SPTAN1: variants seen among roughly 807,000 people sequenced by gnomAD.
SPTAN1 encodes spectrin alpha chain, non-erythrocytic 1.
SPTAN1 carries 61 observed loss-of-function variants against 331.3 expected under a neutral mutation model. The observed-to-expected ratio is 0.18, with a 90% CI of 0.15 to 0.23. The LOEUF (loss-of-function observed/expected upper bound fraction) is 0.23. SPTAN1 is among the 10% of genes least tolerant of loss of function. The pLI, the probability that SPTAN1 is intolerant of heterozygous loss-of-function variation, is 1.00. For missense variants in SPTAN1, 2,043 were observed against 3,147.9 expected, an observed-to-expected ratio of 0.65 and a Z score of 8.40; for synonymous variants, 1,153 against 1,173.9, an observed-to-expected ratio of 0.98 and a Z score of 0.36.
chr9:128,559,368 T>C (rs575246585), intron 1 of SPTAN1, among the ~76,000 whole-genome samples: 1 of 152,310 alleles, frequency 6.6e-6, no homozygotes, highest in African/African-American at 2.4e-5. Context: ...CTTTGCGATA[T>C]TATGATGGAG....
At position 128,632,663 on chromosome 9, in the gene SPTAN1, G is replaced by A. The variant is rs1204204563; in HGVS notation, c.7105G>A (p.Glu2369Lys). Residue 2369 changes from glutamate (E) to lysine (K), a missense_variant, in exon 55 of 57, where the codon GAA becomes AAA. Glu to Lys is a moderately conservative substitution (Grantham distance 56). Around this residue, in one of 12 missense-constraint regions of SPTAN1, gnomAD observed 58 missense variants for 74.0 expected, o/e 0.78. Coordinates refer to ENST00000372739, the MANE Select transcript of SPTAN1 (RefSeq NM_001130438.3). ...GGGCTATGACCTGCCCATGGTGGAG[G>A]AAGGGGAACCTGACCCTGAGTTCGA... The part of the protein sequence containing the change: ...SLGYDLPMVE[E>K]GEPDPEFEAI... 1 of 1,614,064 alleles carries A rather than the reference G, an allele frequency of 6.2e-7. No homozygotes were observed. Among genetic ancestry groups the A allele is most frequent in the Admixed American group, 1.7e-5 (1 of 60,024 alleles).
intron 9 of SPTAN1, among the ~76,000 whole-genome samples, 167 bp downstream of exon 9, chr9:128,578,412 G>T (rs1455460025): frequency 2.0e-5 from 3 of 152,202 alleles, no homozygotes; most frequent in Non-Finnish European, 2.9e-5. Context: ...TGGTCTACCT[G>T]CTTCTGATAG....
chr9:128,558,167 A>G (rs1848875547), intron 1 of SPTAN1, among the ~76,000 whole-genome samples: 1 of 152,230 alleles, frequency 6.6e-6, no homozygotes, highest in Non-Finnish European at 1.5e-5. Flanking sequence ...GAGATCTGGT[A>G]GTATTGTAAG....
intron 48 of SPTAN1, 142 bp downstream of exon 48, chr9:128,626,120 CAATT>C (rs1396560319): frequency 9.1e-7 from 1 of 1,098,880 alleles, no homozygotes; most frequent in Non-Finnish European, 1.3e-6. Context: ...TGGCTGGCAT[CAATT>C]AAAACCAGGG....
rs1402196683 is a variant in SPTAN1 at position 128,624,500 on chromosome 9, A to G, written c.5992+13A>G. 3 of 1,612,438 alleles carry G rather than the reference A, an allele frequency of 1.9e-6. No individual in the cohort carries two copies. Among genetic ancestry groups the G allele is most frequent in the South Asian group, 1.1e-5 (1 of 91,012 alleles). On this transcript the variant is annotated intron_variant, in intron 46 of 56. Coordinates refer to ENST00000372739, the MANE Select transcript of SPTAN1 (RefSeq NM_001130438.3). ...GAGTCCTGGATCGGTGAGCACTGTC[A>G]GCAAGGCCCGGAAGAGCCTTCCCAG...
chr9:128,630,536 CTT>C (rs982348182), intron 52 of SPTAN1, 161 bp downstream of exon 52: 9 of 650,992 alleles, frequency 1.4e-5, no homozygotes, highest in East Asian at 2.8e-5. Context: ...ATCTCTCTCT[CTT>C]TTCTTTCTTT....
chr9:128,617,009 G>A (rs1242072186), intron 41 of SPTAN1, among the ~76,000 whole-genome samples: 1 of 152,046 alleles, frequency 6.6e-6, no homozygotes, highest in Admixed American at 6.6e-5. Flanking sequence ...AGACCGAGGT[G>A]GGCAGATCAC....
At position 128,577,641 on chromosome 9, in the gene SPTAN1, C is replaced by T. The variant is rs1851458373; in HGVS notation, c.1085+135C>T. 1 of 1,191,244 alleles carries T rather than the reference C, an allele frequency of 8.4e-7. No individual in the cohort carries two copies. The highest frequency in any genetic ancestry group is 1.2e-6 in the Non-Finnish European group (1 of 816,826). The allele number at this position is 1,191,244 out of a possible 1,614,324, so 73.8% of individuals were successfully genotyped here. On this transcript the variant is annotated intron_variant, in intron 8 of 56. Transcript: ENST00000372739. The surrounding 1 kb of genome is among the most constrained non-coding windows in gnomAD (Gnocchi z 4.2). ...CCTACAAATGCAAATCACTTCTTAC[C>T]TATGTTCTCTCTGTTTGGAGACTGG...
chr9:128,613,798 G>A (rs1055058916), intron 40 of SPTAN1, among the ~76,000 whole-genome samples: 1 of 152,120 alleles, frequency 6.6e-6, no homozygotes, highest in African/African-American at 2.4e-5. Context: ...GAGGTCAGGA[G>A]TTCGAGACCA....
chr9:128,607,796 G>A lies in SPTAN1; in HGVS notation c.4147-56G>A. On this transcript the variant is annotated intron_variant, in intron 32 of 56. Coordinates refer to ENST00000372739, the MANE Select transcript of SPTAN1 (RefSeq NM_001130438.3). ...CACCCTTTGTGGTGAGTCGGTGGTT[G>A]ACGTCAGAGTGGGCATCTGCTGCCA... 8 of 1,612,110 alleles carry A rather than the reference G, an allele frequency of 5.0e-6. 2 individuals carry two copies. Among genetic ancestry groups the A allele is most frequent in the Middle Eastern group, 1.7e-4 (1 of 5,720 alleles).
chr9:128,604,375 G>C lies in SPTAN1; in HGVS notation c.3677G>C (p.Ser1226Thr). 6.2e-7 allele frequency: 1 copy of C among 1,614,044 alleles called. No individual in the cohort carries two copies. The highest frequency in any genetic ancestry group is 8.5e-7 in the Non-Finnish European group (1 of 1,179,972). The change falls in exon 29 of 57, where the codon AGC (serine) becomes ACC (threonine). Residue 1226 changes from serine to threonine, a missense_variant. Physicochemically the swap from Ser to Thr is moderately conservative, Grantham distance 58. Coordinates refer to ENST00000372739, the MANE Select transcript of SPTAN1 (RefSeq NM_001130438.3). ...RSLQQLAEER[S>T]QLLGSAHEVQ... ...CTACAGCAGCTGGCCGAGGAACGGA[G>C]CCAGCTCTTGGGCAGCGCCCATGAA...
Position 128,624,330 on chromosome 9 carries a change from C to A in SPTAN1, c.5835C>A (p.Asn1945Lys). ...GTGTGCCTCTCTCCATGGCCTAGAA[C>A]AATCACCATGAGGAGAACATCTCTT... ...CTNGQDLIKK[N>K]NHHEENISSK... Residue 1945 changes from asparagine to lysine, a missense_variant and splice_region_variant, in exon 46 of 57, where the codon AAC becomes AAA. Coordinates refer to ENST00000372739, the MANE Select transcript of SPTAN1 (RefSeq NM_001130438.3). 6.2e-7 allele frequency: 1 copy of A among 1,613,840 alleles called. No homozygotes were observed. The highest frequency in any genetic ancestry group is 8.5e-7 in the Non-Finnish European group (1 of 1,179,994).
At chr9:128,559,665 A>G (rs1389734028) in intron 1 of SPTAN1, among the ~76,000 whole-genome samples, 1 of 152,212 alleles carries the variant, frequency 6.6e-6, no homozygotes, top group Non-Finnish European at 1.5e-5. Context: ...AGGGTTGAGA[A>G]CAAAGGAAAT....
rs180835590 is a variant in SPTAN1 at position 128,573,308 on chromosome 9, G to A, written c.364-1367G>A. Among the ~76,000 whole-genome samples, 32 of 152,316 alleles carry A rather than the reference G, an allele frequency of 2.1e-4. No homozygotes were observed. The East Asian group carries it at 5.2e-3, about 25-fold the overall frequency. On this transcript the variant is annotated intron_variant, in intron 3 of 56. Transcript: ENST00000372739. ...CCCAAAGATGCTGGGAAGTGAATACGTTTGACCCTGTGGCTGCCACTTGGG... is the reference window on the plus strand; with the variant it reads ...CCCAAAGATGCTGGGAAGTGAATACATTTGACCCTGTGGCTGCCACTTGGG...
intron 19 of SPTAN1, among the ~76,000 whole-genome samples, chr9:128,586,975 G>A (rs563691394): frequency 9.4e-4 from 143 of 152,042 alleles, no homozygotes; most frequent in Non-Finnish European, 1.0e-3. Flanking sequence ...CCGCCACCAC[G>A]CCCAGCTAAC....
chr9:128,594,495 A>T, intron 24 of SPTAN1, 122 bp downstream of exon 24: 10 of 903,934 alleles, frequency 1.1e-5, no homozygotes, highest in Admixed American at 2.6e-5. Flanking sequence ...CAGTGGTATG[A>T]CTTCGGCTCA....
intron 18 of SPTAN1, 106 bp downstream of exon 18, chr9:128,584,949 A>G (rs967991964): frequency 2.1e-5 from 27 of 1,309,786 alleles, no homozygotes; most frequent in Non-Finnish European, 3.0e-5. Context: ...CTGGGGCTGA[A>G]TACCATCCCC....
chr9:128,621,101 C>G, intron 44 of SPTAN1, 57 bp from the exon 45 acceptor site: 1 of 1,521,530 alleles, frequency 6.6e-7, no homozygotes, highest in Non-Finnish European at 9.1e-7. Flanking sequence ...TCCCCGGGGC[C>G]TAGCCCACAA....
chr9:128,589,656 A>G (rs1364842882), intron 21 of SPTAN1, among the ~76,000 whole-genome samples: 3 of 144,638 alleles, frequency 2.1e-5, no homozygotes, highest in Admixed American at 7.2e-5. Context: ...GCTCACTACA[A>G]GCTCCACCTC....
Sources: gnomAD v4.1 joint callset for allele counts (sites outside exome capture counted in the v4.1 genomes callset) on GRCh38, gnomAD v4.1.1 for gene constraint, gnomAD v4.1.1 regional missense constraint, Gnocchi (gnomAD v3.1) non-coding constraint, MANE v1.5 for transcripts, NCBI Gene and HGNC (gene_info 2026-07-23, HGNC 2026-07-21) for gene names.